The following ATXN7 variants were observed in gnomAD, a reference collection of about 807,000 sequenced individuals.
The protein encoded by ATXN7 is ataxin-7.
ATXN7 carries 12 observed loss-of-function variants against 70.5 expected under a neutral mutation model. The observed-to-expected ratio is 0.17, with a 90% CI of 0.11 to 0.28. The LOEUF (loss-of-function observed/expected upper bound fraction) is 0.28. Ranked by LOEUF, ATXN7 falls within the 10% of genes least tolerant of loss-of-function variation. ATXN7 has a pLI of 1.00. For missense variants in ATXN7, 1,256 were observed against 1,131.7 expected (o/e 1.11, Z -1.58); for synonymous variants, 498 against 448.7 (o/e 1.11, Z -1.39).
chr3:63,964,965 A>G (rs1453828392), intron 5 of ATXN7, among the ~76,000 whole-genome samples: 8 of 152,178 alleles, frequency 5.3e-5, no homozygotes, highest in Non-Finnish European at 8.8e-5. Flanking sequence ...GTATTCCTGT[A>G]AAATGGAGAA....
intron 5 of ATXN7, among the ~76,000 whole-genome samples, chr3:63,971,583 AT>A (rs2075313206): frequency 6.6e-6 from 1 of 152,224 alleles, no homozygotes; most frequent in Non-Finnish European, 1.5e-5. Context: ...TAGTGAGGAA[AT>A]ATTAAATGCT....
In ATXN7 at chr3:63,912,708, A is replaced by AGCAGCAGCC. The variant is rs1553686122; in HGVS notation, c.113_121dup (p.Gln38_Pro40dup). On this transcript the variant is annotated inframe_insertion, in exon 3 of 13. Transcript: ENST00000674280. Reference sequence around the variant, plus strand: ...CGGCAGCAGCAGCAGCAGCAGCAGCAGCAGCAGCCGCCGCCTCCGCAGCCC... The same window carrying AGCAGCAGCC: ...CGGCAGCAGCAGCAGCAGCAGCAGCAGCAGCAGCCGCAGCAGCCGCCGCCTCCGCAGCCC... 1.5e-5 allele frequency: 18 copies of AGCAGCAGCC among 1,197,590 alleles called. No individual in the cohort carries two copies. The highest frequency in any genetic ancestry group is 1.8e-5 in the Non-Finnish European group (17 of 957,350). 74.2% of individuals were successfully genotyped at this position (1,197,590 alleles called of 1,614,324 possible). A position where few individuals can be genotyped will look rare whatever the true frequency, so the allele number is the denominator to read the frequency against.
intron 1 of ATXN7, among the ~76,000 whole-genome samples, chr3:63,897,173 A>T (rs530323326): frequency 2.0e-5 from 3 of 152,326 alleles, no homozygotes; most frequent in African/African-American, 7.2e-5. Flanking sequence ...AGACATGTTG[A>T]ACAAGAAAAC....
intron 4 of ATXN7, among the ~76,000 whole-genome samples, chr3:63,919,211 G>C (rs1281899615): frequency 6.6e-6 from 1 of 152,192 alleles, no homozygotes; most frequent in Non-Finnish European, 1.5e-5. Flanking sequence ...TTGAAACGTA[G>C]TGACGGGCAT....
At chr3:63,890,110 C>A (rs924403449) in intron 1 of ATXN7, among the ~76,000 whole-genome samples, 3 of 152,144 alleles carry the variant, frequency 2.0e-5, no homozygotes, top group Non-Finnish European at 4.4e-5. Flanking sequence ...TGAAAAATTT[C>A]ATTAATGATA....
chr3:63,875,817 G>A (rs901508218), intron 1 of ATXN7, among the ~76,000 whole-genome samples: 2 of 151,976 alleles, frequency 1.3e-5, no homozygotes, highest in African/African-American at 4.8e-5. Context: ...TTAATAGCAG[G>A]GTTGTATGTT....
intron 4 of ATXN7, 87 bp downstream of exon 4, chr3:63,913,312 A>G (rs1353251974): frequency 1.3e-5 from 18 of 1,345,890 alleles, no homozygotes; most frequent in Non-Finnish European, 3.1e-6. Flanking sequence ...TCAGCCCACC[A>G]TACCGACTCC....
chr3:63,887,088 G>A (rs1293633601), intron 1 of ATXN7, among the ~76,000 whole-genome samples: 1 of 152,164 alleles, frequency 6.6e-6, no homozygotes, highest in Non-Finnish European at 1.5e-5. Context: ...AGAAAGGAGC[G>A]AACAGGAAGG....
intron 12 of ATXN7, chr3:63,996,718 A>G (rs2075766990): frequency 1.8e-6 from 1 of 551,528 alleles, no homozygotes; most frequent in Non-Finnish European, 3.2e-6. Context: ...TCTTCAGTAA[A>G]GAAACTACAG....
In ATXN7 at chr3:63,877,236, G is replaced by A. The variant is rs143298824; in HGVS notation, c.-111+13078G>A. On this transcript the variant is annotated intron_variant, in intron 1 of 12. Coordinates refer to ENST00000674280, the MANE Select transcript of ATXN7 (RefSeq NM_001377405.1). Reference sequence around the variant, plus strand: ...AGAGGTTTTTGTTTAATTTTTTTTCGTGATTACAGAAATCATAAGTGTTTG... The same window carrying A: ...AGAGGTTTTTGTTTAATTTTTTTTCATGATTACAGAAATCATAAGTGTTTG... Among the ~76,000 whole-genome samples the A allele has an allele frequency of 5.9e-5, 9 of 151,952 alleles. No homozygotes were observed. In the South Asian group the frequency reaches 6.2e-4, roughly 11 times the overall value.
At chr3:63,885,627 G>C (rs971335366) in intron 1 of ATXN7, among the ~76,000 whole-genome samples, 1 of 152,158 alleles carries the variant, frequency 6.6e-6, no homozygotes, top group African/African-American at 2.4e-5. Flanking sequence ...ATGTCACAGA[G>C]GTATCTGCAC....
intron 4 of ATXN7, among the ~76,000 whole-genome samples, chr3:63,935,295 A>G (rs2074639411): frequency 6.6e-6 from 1 of 152,100 alleles, no homozygotes; most frequent in South Asian, 2.1e-4. Flanking sequence ...CCCTATCTTG[A>G]GTTTCACTGG....
chr3:63,885,672 A>G (rs112893127), intron 1 of ATXN7, among the ~76,000 whole-genome samples: 9,595 of 152,246 alleles, frequency 0.063, 815 homozygotes, highest in African/African-American at 0.19. Flanking sequence ...CACAATAGCC[A>G]AGATATGGAG....
At chr3:63,908,724 A>C (rs1208750962) in intron 2 of ATXN7, among the ~76,000 whole-genome samples, 1 of 152,190 alleles carries the variant, frequency 6.6e-6, no homozygotes, top group Admixed American at 6.5e-5. Context: ...GGAAAGGTCA[A>C]CTTTTTGTTT....
intron 8 of ATXN7, among the ~76,000 whole-genome samples, chr3:63,984,325 T>C (rs1052043419): frequency 6.6e-6 from 1 of 152,174 alleles, no homozygotes; most frequent in Non-Finnish European, 1.5e-5. Context: ...CATCCTTGGA[T>C]TTCTAGGTTA....
intron 1 of ATXN7, among the ~76,000 whole-genome samples, chr3:63,872,450 C>T (rs1015974486): frequency 2.6e-5 from 4 of 152,162 alleles, no homozygotes; most frequent in Admixed American, 2.0e-4. Context: ...TCTCTGAGCT[C>T]CACATAATCT....
In ATXN7 at chr3:63,960,646, C is replaced by A. The variant is rs576615861; in HGVS notation, c.499+8163C>A. Among the ~76,000 whole-genome samples the A allele has an allele frequency of 3.8e-4, 58 of 152,226 alleles. No individual in the cohort carries two copies. The South Asian group carries it at 0.012, about 31-fold the overall frequency. On this transcript the variant is annotated intron_variant, in intron 5 of 12. Coordinates refer to ENST00000674280, the MANE Select transcript of ATXN7 (RefSeq NM_001377405.1). ...GGAAAGGAAGGGAGGAGGAATGACT[C>A]ATGGGGTTTTTGGCTCAAGCAGCTG...
chr3:63,921,376 A>G (rs1488695375), intron 4 of ATXN7, among the ~76,000 whole-genome samples: 2 of 152,212 alleles, frequency 1.3e-5, no homozygotes, highest in Non-Finnish European at 2.9e-5. Flanking sequence ...TTCAAACAAG[A>G]AAGTTTCAGA....
At position 63,914,939 on chromosome 3, in the gene ATXN7, C is replaced by A. The variant is rs1031666240; in HGVS notation, c.394+1714C>A. ...TAGTGTTTTGTTTTGTTTTTTGAGA[C>A]GGAGTCTCACTCTGTGGCCATGCTG... On this transcript the variant is annotated intron_variant, in intron 4 of 12. Transcript: ENST00000674280. Among the ~76,000 whole-genome samples the A allele has an allele frequency of 2.0e-5, 3 of 152,094 alleles. No homozygotes were observed. In the East Asian group the frequency reaches 5.8e-4, roughly 29 times the overall value.
Sources: allele counts gnomAD v4.1 joint callset (sites outside exome capture counted in the v4.1 genomes callset), GRCh38; gene constraint gnomAD v4.1.1; transcripts MANE v1.5; gene names NCBI Gene and HGNC (gene_info 2026-07-23, HGNC 2026-07-21).